OGDH: variants seen among roughly 807,000 people sequenced by gnomAD.
OGDH encodes 2-oxoglutarate dehydrogenase complex component E1.
In OGDH, 38 loss-of-function variants were observed where a neutral mutation model predicts 116.6. The ratio of observed to expected loss-of-function variants is 0.33; its 90% CI spans 0.25 to 0.43. OGDH has a LOEUF of 0.43. Among genes scored for constraint, OGDH ranks in the 20% least tolerant of loss-of-function variants. OGDH has a pLI of 1.00. For missense variants in OGDH, 825 were observed against 1,357.2 expected (o/e 0.61, Z 6.16); for synonymous variants, 488 against 533.3 (o/e 0.92, Z 1.17).
At chr7:44,646,953 T>C (rs1418550435) in intron 3 of OGDH, among the ~76,000 whole-genome samples, 2 of 152,200 alleles carry the variant, frequency 1.3e-5, no homozygotes, top group East Asian at 3.8e-4. Flanking sequence ...TTTCTTTAAA[T>C]TTGATTTATT....
chr7:44,652,137 TCGCTC>T (rs1163677216), intron 4 of OGDH, among the ~76,000 whole-genome samples: 4 of 151,994 alleles, frequency 2.6e-5, no homozygotes, highest in Non-Finnish European at 5.9e-5. Context: ...AGATGGAGTT[TCGCTC>T]TTGTTGCCCA....
At chr7:44,620,647 G>A (rs1269973615) in intron 1 of OGDH, among the ~76,000 whole-genome samples, 1 of 152,188 alleles carries the variant, frequency 6.6e-6, no homozygotes, top group African/African-American at 2.4e-5. Flanking sequence ...TTTAAAGCAA[G>A]CTTGTCCAAC....
At chr7:44,634,115 G>A (rs1395756856) in intron 2 of OGDH, among the ~76,000 whole-genome samples, 1 of 152,226 alleles carries the variant, frequency 6.6e-6, no homozygotes, top group Non-Finnish European at 1.5e-5. Context: ...CACCAGGCTA[G>A]AAGCCATGAA....
At chr7:44,700,329 A>C in intron 19 of OGDH, 60 bp downstream of exon 19, 1 of 1,597,466 alleles carries the variant, frequency 6.3e-7, no homozygotes, top group Non-Finnish European at 8.5e-7. Flanking sequence ...TGGTGCAGGG[A>C]AGGGCTCCTC....
chr7:44,618,330 A>G (rs1784880923), intron 1 of OGDH, among the ~76,000 whole-genome samples: 1 of 152,182 alleles, frequency 6.6e-6, no homozygotes, highest in South Asian at 2.1e-4. Flanking sequence ...CACCATCAGC[A>G]CAATCTAGTT....
intron 10 of OGDH, 144 bp downstream of exon 10, chr7:44,681,992 A>G: frequency 9.0e-7 from 1 of 1,115,776 alleles, no homozygotes. Flanking sequence ...CACGCCTGTA[A>G]TCGTAGCACT....
chr7:44,661,768 ATTT>A (rs564674928), intron 4 of OGDH, among the ~76,000 whole-genome samples: 2,349 of 151,772 alleles, frequency 0.015, 71 homozygotes, highest in African/African-American at 0.054. Context: ...CACCCAGATA[ATTT>A]TTTTGTATTT....
intron 9 of OGDH, among the ~76,000 whole-genome samples, chr7:44,678,597 C>G (rs942274747): frequency 6.6e-6 from 1 of 152,148 alleles, no homozygotes; most frequent in African/African-American, 2.4e-5. Context: ...CCTTTGTTTT[C>G]CAGTCTACAC....
At chr7:44,640,771 C>T (rs763710840) in intron 2 of OGDH, among the ~76,000 whole-genome samples, 2 of 152,086 alleles carry the variant, frequency 1.3e-5, no homozygotes, top group Non-Finnish European at 2.9e-5. Context: ...CCTGTTGTGG[C>T]CCCAGGGAAC....
chr7:44,673,897 T>C lies in OGDH; in HGVS notation c.744T>C (p.Asn248=). 6.2e-7 allele frequency: 1 copy of C among 1,614,164 alleles called. No individual in the cohort carries two copies. ...FETPGIMQFT[N]EEKRTLLARL... ...CCCCTGGGATCATGCAGTTCACAAA[T>C]GAGGAGAAACGGACCCTGCTGGCCA... The change falls in exon 6 of 23, where the codon AAT becomes AAC. Residue 248 remains asparagine (N), a synonymous_variant. Coordinates refer to ENST00000222673, the MANE Select transcript of OGDH (RefSeq NM_002541.4).
At position 44,624,610 on chromosome 7, in the gene OGDH, G is replaced by T. The variant is rs1422038317; in HGVS notation, c.222+45G>T. On this transcript the variant is annotated intron_variant, in intron 2 of 22. Coordinates refer to ENST00000222673, the MANE Select transcript of OGDH (RefSeq NM_002541.4). ...GGGTCTGCCTCATGTTGGTGTGTTGGCCTGTTCCTGACTGGTCACCAGGTA... is the reference window on the plus strand; with the variant it reads ...GGGTCTGCCTCATGTTGGTGTGTTGTCCTGTTCCTGACTGGTCACCAGGTA... The T allele has an allele frequency of 3.9e-6, 6 of 1,543,844 alleles. No individual in the cohort carries two copies. In the South Asian group the frequency reaches 6.7e-5, roughly 17 times the overall value.
At chr7:44,677,688 G>A (rs1210969298) in intron 9 of OGDH, among the ~76,000 whole-genome samples, 1 of 151,884 alleles carries the variant, frequency 6.6e-6, no homozygotes, top group Non-Finnish European at 1.5e-5. Context: ...GGCTAACACA[G>A]TGAAACCCCA....
chr7:44,692,487 CTGATT>C (rs1250265914), intron 10 of OGDH, among the ~76,000 whole-genome samples: 1 of 152,208 alleles, frequency 6.6e-6, no homozygotes, highest in Non-Finnish European at 1.5e-5. Context: ...GTGTCCTCCT[CTGATT>C]TAAGGGTAAG....
chr7:44,609,167 G>C (rs751385557), intron 1 of OGDH, among the ~76,000 whole-genome samples: 1 of 151,994 alleles, frequency 6.6e-6, no homozygotes. Context: ...TTTCCAGTCA[G>C]CTTAATTCCC....
At position 44,694,630 on chromosome 7, in the gene OGDH, GA is replaced by G; in HGVS notation, c.1668+58del. ...GCCTTTCCAGGGCTGGCGATGACTA[GA>G]AAAGGTGGGCCACAGGGCCAGTTCT... is the stretch of plus-strand genomic sequence containing the variant. On this transcript the variant is annotated intron_variant, in intron 12 of 22. Coordinates refer to ENST00000222673, the MANE Select transcript of OGDH (RefSeq NM_002541.4). This position sits in a 1 kb window ranked among gnomAD's most constrained non-coding sequence, Gnocchi z 4.2. The G allele has an allele frequency of 6.3e-7, 1 of 1,598,408 alleles. No homozygotes were observed. Among genetic ancestry groups the G allele is most frequent in the African/African-American group, 1.3e-5 (1 of 74,768 alleles).
intron 9 of OGDH, among the ~76,000 whole-genome samples, chr7:44,680,742 T>C (rs188833703): frequency 3.4e-4 from 52 of 152,276 alleles, no homozygotes; most frequent in Middle Eastern, 3.4e-3. Context: ...ACAGCTGATA[T>C]TGTCCAGGGC....
Position 44,681,749 on chromosome 7 carries a change from T to G in OGDH, c.1236T>G (p.Ala412=). 1 of 1,614,216 alleles carries G rather than the reference T, an allele frequency of 6.2e-7. No homozygotes were observed. The highest frequency in any genetic ancestry group is 8.5e-7 in the Non-Finnish European group (1 of 1,180,030). The part of the protein sequence containing the change: ...KVMSILLHGD[A]AFAGQGIVYE... ...TGTCCATCCTGTTGCATGGGGATGCTGCATTTGCTGGCCAGGGCATTGTGT... is the reference window on the plus strand; with the variant it reads ...TGTCCATCCTGTTGCATGGGGATGCGGCATTTGCTGGCCAGGGCATTGTGT... Residue 412 remains alanine (A), a synonymous_variant, in exon 10 of 23, where the codon GCT becomes GCG. Coordinates refer to ENST00000222673, the MANE Select transcript of OGDH (RefSeq NM_002541.4).
rs140413676 is a variant in OGDH at position 44,666,764 on chromosome 7, C to T, written c.546C>T (p.Leu182=). ...LGFYGLDESD[L]DKVFHLPTTT... is the part of the protein sequence containing the mutation. ...TCTATGGCCTGGATGAGTCTGACCT[C>T]GACAAGGTCTTCCACTTGCCCACCA... Residue 182 remains leucine, a synonymous_variant, in exon 5 of 23, where the codon CTC becomes CTT. Coordinates refer to ENST00000222673, the MANE Select transcript of OGDH (RefSeq NM_002541.4). 124 of 1,613,016 alleles carry T rather than the reference C, an allele frequency of 7.7e-5. No homozygotes were observed. In the African/African-American group the frequency reaches 9.9e-4, roughly 13 times the overall value.
chr7:44,624,784 A>G (rs918488295), intron 2 of OGDH, among the ~76,000 whole-genome samples: 7 of 152,188 alleles, frequency 4.6e-5, no homozygotes. Context: ...TAACTCTGCG[A>G]GGATGTGAAG....
Sources: allele counts gnomAD v4.1 joint callset (sites outside exome capture counted in the v4.1 genomes callset), GRCh38; gene constraint gnomAD v4.1.1; non-coding constraint Gnocchi (gnomAD v3.1); transcripts MANE v1.5; gene names NCBI Gene and HGNC (gene_info 2026-07-23, HGNC 2026-07-21).